Variants in MPRIP observed in about 807,000 individuals in gnomAD.
The protein encoded by MPRIP is myosin phosphatase Rho interacting protein.
MPRIP carries 59 observed loss-of-function variants against 234.9 expected under a neutral mutation model. The ratio of observed to expected loss-of-function variants is 0.25; its 90% CI spans 0.20 to 0.31. The LOEUF (loss-of-function observed/expected upper bound fraction) is 0.31, where lower values mean the gene tolerates loss of function less well. Ranked by LOEUF, MPRIP falls within the 10% of genes least tolerant of loss-of-function variation. The pLI, the probability that MPRIP is intolerant of heterozygous loss-of-function variation, is 1.00. For synonymous variants in MPRIP, 1,144 were observed against 1,263.9 expected (o/e 0.91, Z 2.01); for missense variants, 2,436 against 3,071.0 (o/e 0.79, Z 4.89).
chr17:17,064,630 G>A (rs1014491980), intron 1 of MPRIP, among the ~76,000 whole-genome samples: 3 of 152,168 alleles, frequency 2.0e-5, no homozygotes, highest in African/African-American at 7.2e-5. Flanking sequence ...AATGTTATGT[G>A]AAGAAAATCA....
At chr17:17,126,284 T>A (rs961091892) in intron 3 of MPRIP, among the ~76,000 whole-genome samples, 2 of 152,174 alleles carry the variant, frequency 1.3e-5, no homozygotes, top group Non-Finnish European at 2.9e-5. Flanking sequence ...CTCAAGGATG[T>A]GGCTTCTCTC....
intron 22 of MPRIP, 46 bp downstream of exon 22, chr17:17,177,458 T>C: frequency 6.3e-7 from 1 of 1,592,398 alleles, no homozygotes; most frequent in Non-Finnish European, 8.6e-7. Flanking sequence ...GGGGGGCTTA[T>C]GGGGGTTTGG....
intron 3 of MPRIP, among the ~76,000 whole-genome samples, chr17:17,120,247 C>G (rs1168651479): frequency 6.6e-6 from 1 of 152,196 alleles, no homozygotes; most frequent in Non-Finnish European, 1.5e-5. Flanking sequence ...CCCTCTGGCT[C>G]TTAGAAGCTT....
intron 8 of MPRIP, among the ~76,000 whole-genome samples, chr17:17,143,196 C>G (rs1427992839): frequency 6.6e-6 from 1 of 152,222 alleles, no homozygotes. Flanking sequence ...CTTCTCCTGG[C>G]TTCTCTCTTG....
intron 3 of MPRIP, among the ~76,000 whole-genome samples, chr17:17,086,140 A>G (rs1462811133): frequency 1.3e-5 from 2 of 151,956 alleles, no homozygotes; most frequent in African/African-American, 2.4e-5. Flanking sequence ...AGCAGTGCCC[A>G]TGTTTATAGG....
rs12453881 is a variant in MPRIP, at chr17:17,138,228, G to A, written c.1049G>A (p.Arg350Lys). Reference sequence around the variant, plus strand: ...GCCTACGTGGACTCTGGCAGCACTAGGGGGCGGGGGACAGAGAGACTGGGG... The same window carrying A: ...GCCTACGTGGACTCTGGCAGCACTAAGGGGCGGGGGACAGAGAGACTGGGG... ...PPAYVDSGST[R>K]GRGTERLGSA... The change falls in exon 7 of 24, where the codon AGG becomes AAG. Residue 350 changes from arginine to lysine, a missense_variant. Arg to Lys is a conservative substitution (Grantham distance 26). Coordinates refer to ENST00000651222, the MANE Select transcript of MPRIP (RefSeq NM_001364716.4). This position sits in a 1 kb window ranked among gnomAD's most constrained non-coding sequence, Gnocchi z 5.8. 1 of 662,098 alleles carries A rather than the reference G, an allele frequency of 1.5e-6. No homozygotes were observed. 41.0% of individuals were successfully genotyped at this position (662,098 alleles called of 1,614,324 possible).
chr17:17,088,507 G>A (rs970938589), intron 3 of MPRIP, among the ~76,000 whole-genome samples: 2 of 152,198 alleles, frequency 1.3e-5, no homozygotes, highest in Admixed American at 1.3e-4. Context: ...AAAATATTTA[G>A]GGTTGAAAAA....
At chr17:17,059,935 G>A (rs1440133381) in intron 1 of MPRIP, among the ~76,000 whole-genome samples, 2 of 152,190 alleles carry the variant, frequency 1.3e-5, no homozygotes, top group Non-Finnish European at 2.9e-5. Context: ...TCCCAATTAA[G>A]ACAATAAATT....
intron 7 of MPRIP, among the ~76,000 whole-genome samples, chr17:17,140,015 C>T (rs1055604263): frequency 3.3e-5 from 5 of 152,200 alleles, no homozygotes; most frequent in Non-Finnish European, 7.3e-5. Flanking sequence ...GGGCCTTAGC[C>T]AGGAAGTCCC....
chr17:17,085,838 G>A (rs1404728071), intron 3 of MPRIP, among the ~76,000 whole-genome samples: 3 of 152,134 alleles, frequency 2.0e-5, no homozygotes, highest in Non-Finnish European at 2.9e-5. Context: ...GCATGATCCC[G>A]GGAGGCAGAG....
chr17:17,163,733 A>G (rs111327580), intron 15 of MPRIP, among the ~76,000 whole-genome samples: 1 of 152,154 alleles, frequency 6.6e-6, no homozygotes, highest in African/African-American at 2.4e-5. Context: ...TTGTGAAACA[A>G]ACAGCTGCAG....
chr17:17,128,098 C>G (rs77015478), intron 4 of MPRIP, among the ~76,000 whole-genome samples: 4,354 of 152,274 alleles, frequency 0.029, 82 homozygotes, highest in Non-Finnish European at 0.044. Flanking sequence ...TCGAGGAGAC[C>G]CAGGGCCTAG....
In MPRIP at chr17:17,171,835, C is replaced by T; in HGVS notation, c.6442C>T (p.Leu2148=). The change falls in exon 17 of 24, where the codon CTA becomes TTA. Residue 2148 remains leucine (L), a synonymous_variant. Transcript: ENST00000651222. ...ACTTCGAGAAGAGAAAGACCGCCTC[C>T]TAGCCGAGGAGACAGCGGCCACCAT... ...EKLREEKDRL[L]AEETAATISA... is the part of the protein sequence containing the mutation. The T allele has an allele frequency of 6.2e-7, 1 of 1,613,418 alleles. No homozygotes were observed. The highest frequency in any genetic ancestry group is 1.1e-5 in the South Asian group (1 of 91,066).
At position 17,189,394 on chromosome 17, in the gene MPRIP, T is replaced by A. The variant is rs1351817758; in HGVS notation, c.*4500T>A. The A allele has an allele frequency of 6.6e-6, 1 of 152,116 alleles. No individual in the cohort carries two copies. Among genetic ancestry groups the A allele is most frequent in the East Asian group, 1.9e-4 (1 of 5,190 alleles). 9.4% of individuals were successfully genotyped at this position (152,116 alleles called of 1,614,324 possible). On this transcript the variant is annotated 3_prime_UTR_variant, in exon 24 of 24. Transcript: ENST00000651222. ...TTAGTAGAGACGGGGTTTCACCATG[T>A]TGGTCAGGATGGTCTCGATTTCCTG... is the stretch of plus-strand genomic sequence containing the variant.
intron 3 of MPRIP, among the ~76,000 whole-genome samples, chr17:17,113,544 A>G (rs140254564): frequency 8.5e-5 from 13 of 152,288 alleles, no homozygotes; most frequent in South Asian, 4.1e-4. Context: ...TCATCTATCT[A>G]TTGGTGGACA....
chr17:17,172,559 T>C (rs1597507633), intron 17 of MPRIP, 139 bp from the exon 18 acceptor site: 1 of 638,222 alleles, frequency 1.6e-6, no homozygotes, highest in East Asian at 2.8e-5. Flanking sequence ...CAGCCTGTCA[T>C]GCAAAATCCA....
intron 5 of MPRIP, among the ~76,000 whole-genome samples, chr17:17,133,363 C>T (rs544936109): frequency 3.9e-5 from 6 of 152,282 alleles, no homozygotes; most frequent in South Asian, 2.1e-4. Flanking sequence ...TCAAGTCAGT[C>T]TTGTGGGGTG....
chr17:17,176,406 T>G lies in MPRIP; in HGVS notation c.6871-20T>G, dbSNP rs373096714. 2 of 1,596,492 alleles carry G rather than the reference T, an allele frequency of 1.3e-6. No homozygotes were observed. Among genetic ancestry groups the G allele is most frequent in the Non-Finnish European group, 8.6e-7 (1 of 1,163,982 alleles). ...TTCTTTGCTCCTGAATATTGGTCCC[T>G]GATCTCTCTGTCATTTTAGGTCTTA... On this transcript the variant is annotated intron_variant, in intron 20 of 23. Coordinates refer to ENST00000651222, the MANE Select transcript of MPRIP (RefSeq NM_001364716.4).
chr17:17,066,213 G>C (rs993506922), intron 1 of MPRIP, among the ~76,000 whole-genome samples: 1 of 152,186 alleles, frequency 6.6e-6, no homozygotes, highest in Non-Finnish European at 1.5e-5. Flanking sequence ...CCTAGTTCCT[G>C]ATATTAGAGG....
Sources: gnomAD v4.1 joint callset for allele counts (sites outside exome capture counted in the v4.1 genomes callset) on GRCh38, gnomAD v4.1.1 for gene constraint, Gnocchi (gnomAD v3.1) non-coding constraint, MANE v1.5 for transcripts, NCBI Gene and HGNC (gene_info 2026-07-23, HGNC 2026-07-21) for gene names.